TPGS2: variants seen among roughly 807,000 people sequenced by gnomAD.
TPGS2 encodes polyglutamylase subunit 2.
A neutral mutation model predicts 31.1 loss-of-function variants in TPGS2; 26 were observed. The observed-to-expected ratio is 0.84, with a 90% CI of 0.61 to 1.16. The LOEUF is 1.16. Ranked by LOEUF, TPGS2 falls within the 50% of genes most tolerant of loss-of-function variation. TPGS2 has a pLI of 0.00. For synonymous variants in TPGS2, 130 were observed against 136.6 expected, an observed-to-expected ratio of 0.95 and a Z score of 0.34; for missense variants, 351 against 363.8, an observed-to-expected ratio of 0.96 and a Z score of 0.29.
In TPGS2 at chr18:36,828,746, G is replaced by A. The variant is rs764630365; in HGVS notation, c.22C>T (p.Pro8Ser). 1 of 1,613,968 alleles carries A rather than the reference G, an allele frequency of 6.2e-7. No individual in the cohort carries two copies. Among genetic ancestry groups the A allele is most frequent in the Non-Finnish European group, 8.5e-7 (1 of 1,179,982 alleles). The part of the protein sequence containing the change: MEEEASS[P>S]GLGCSKPHLE... The stretch of plus-strand genomic sequence containing the variant: ...TGCGGCTTGCTGCAGCCCAGCCCCG[G>A]GGACGATGCCTCCTCCTCCATGGCT... The change falls in exon 1 of 7, where the codon CCG becomes TCG. Residue 8 changes from proline (P) to serine (S), a missense_variant. By Grantham distance (74) the Pro-to-Ser change is moderately conservative (BLOSUM62 -1). Transcript: ENST00000334295.
chr18:36,807,865 A>G lies in TPGS2; in HGVS notation c.235T>C (p.Trp79Arg), dbSNP rs754589047. 34 of 1,614,026 alleles carry G rather than the reference A, an allele frequency of 2.1e-5. No individual in the cohort carries two copies. Among genetic ancestry groups the G allele is most frequent in the Non-Finnish European group, 2.7e-5 (32 of 1,180,008 alleles). The change falls in exon 3 of 7, where the codon TGG (tryptophan) becomes CGG (arginine). Residue 79 changes from tryptophan (W) to arginine (R), a missense_variant. By Grantham distance (101) the Trp-to-Arg change is moderately radical (BLOSUM62 -3). Coordinates refer to ENST00000334295, the MANE Select transcript of TPGS2 (RefSeq NM_015476.4). ...GACTCACCATCCAGCTTCACACTCC[A>G]TGTCATGTGGAAGCCATTGGTCATC... is the stretch of plus-strand genomic sequence containing the variant. ...YLMTNGFHMT[W>R]SVKLDEHIIP...
At chr18:36,816,596 A>G (rs2045664322) in intron 2 of TPGS2, among the ~76,000 whole-genome samples, 1 of 152,084 alleles carries the variant, frequency 6.6e-6, no homozygotes, top group South Asian at 2.1e-4. Context: ...CTCACAAAAG[A>G]GCCCTGAGGC....
intron 1 of TPGS2, among the ~76,000 whole-genome samples, chr18:36,822,661 C>T (rs1346390250): frequency 6.6e-6 from 1 of 152,178 alleles, no homozygotes; most frequent in African/African-American, 2.4e-5. Context: ...GTGGTGTAAT[C>T]ATAGCTCACT....
Position 36,787,410 on chromosome 18 carries a change from G to A in TPGS2, c.658-4279C>T, listed in dbSNP as rs532185184. Among the ~76,000 whole-genome samples the A allele has an allele frequency of 2.6e-5, 4 of 152,336 alleles. No individual in the cohort carries two copies. In the East Asian group the frequency reaches 5.8e-4, roughly 22 times the overall value. On this transcript the variant is annotated intron_variant, in intron 6 of 6. Coordinates refer to the TPGS2 transcript ENST00000587129. ...GCCCTCACTGCTCTTTGGGGAGAGC[G>A]ATCCCACTGGGGAACAGCCAGATGC... is the stretch of plus-strand genomic sequence containing the variant.
At chr18:36,806,044 A>G (rs1410361767) in intron 3 of TPGS2, 1 of 152,312 alleles carries the variant, frequency 6.6e-6, no homozygotes, top group Non-Finnish European at 1.5e-5. Flanking sequence ...TTCTGTGATT[A>G]GGGTGTAAAT....
intron 4 of TPGS2, among the ~76,000 whole-genome samples, chr18:36,803,463 A>G (rs958921174): frequency 1.3e-5 from 2 of 151,600 alleles, no homozygotes; most frequent in South Asian, 2.1e-4. Flanking sequence ...CAGTATATGC[A>G]TCAGTGTCTG....
rs1294462569 is a variant in TPGS2 at position 36,794,289 on chromosome 18, TG to T, written c.*2515del. ...CACATCTTCATTTTGTACTGGATCC[TG>T]CACTGAGTGGAGTCAGTCCTGCTCT... On this transcript the variant is annotated 3_prime_UTR_variant, in exon 7 of 7. Transcript: ENST00000334295. 1.0e-6 allele frequency: 1 copy of T among 985,354 alleles called. No homozygotes were observed. The highest frequency in any genetic ancestry group is 1.7e-5 in the African/African-American group (1 of 57,256). 61.0% of individuals were successfully genotyped at this position (985,354 alleles called of 1,614,324 possible).
intron 2 of TPGS2, among the ~76,000 whole-genome samples, chr18:36,816,850 G>A (rs2045680410): frequency 2.0e-5 from 3 of 152,176 alleles, no homozygotes; most frequent in Non-Finnish European, 4.4e-5. Flanking sequence ...CTCGTGATCT[G>A]CCTGCCTCGG....
rs375355836 is a variant in TPGS2 at position 36,824,414 on chromosome 18, C to T, written c.85+4269G>A. ...GAATCCAGAAATGGAATTGCTGGGC[C>T]ATACAGTAACTCCAATCTTTTGAGG... is the stretch of plus-strand genomic sequence containing the variant. On this transcript the variant is annotated intron_variant, in intron 1 of 6. Transcript: ENST00000334295. 1.9e-4 allele frequency among the ~76,000 whole-genome samples: 29 copies of T among 152,286 alleles called. No individual in the cohort carries two copies. In the East Asian group the frequency reaches 2.1e-3, roughly 11 times the overall value.
chr18:36,785,023 C>A (rs764993708), intron 6 of TPGS2, among the ~76,000 whole-genome samples: 1 of 152,118 alleles, frequency 6.6e-6, no homozygotes, highest in African/African-American at 2.4e-5. Flanking sequence ...CCTGGTCAGG[C>A]GTGGTGGCTC....
chr18:36,782,697 T>G (rs767953051), downstream of TPGS2, among the ~76,000 whole-genome samples: 2 of 152,170 alleles, frequency 1.3e-5, no homozygotes, highest in Non-Finnish European at 2.9e-5. Context: ...CACTATCAAT[T>G]AACTGATCAA....
Position 36,794,906 on chromosome 18 carries a change from T to G in TPGS2, c.*1899A>C. 4 of 984,186 alleles carry G rather than the reference T, an allele frequency of 4.1e-6. No homozygotes were observed. The highest frequency in any genetic ancestry group is 4.8e-6 in the Non-Finnish European group (4 of 829,936). 61.0% of individuals were successfully genotyped at this position (984,186 alleles called of 1,614,324 possible). A position where few individuals can be genotyped will look rare whatever the true frequency, so the allele number is the denominator to read the frequency against. On this transcript the variant is annotated 3_prime_UTR_variant, in exon 7 of 7. Coordinates refer to ENST00000334295, the MANE Select transcript of TPGS2 (RefSeq NM_015476.4). ...ACGTTTAAATGACCACACTGAATTA[T>G]AAGTGGTTAGTTTTGGGATTGAAAA...
At chr18:36,782,924 C>G, downstream of TPGS2, 1 of 393,830 alleles carries the variant, frequency 2.5e-6, no homozygotes, top group Non-Finnish European at 4.5e-6. Flanking sequence ...TTTTCTTCAC[C>G]CTCGGAAATG....
chr18:36,826,785 C>T (rs762759622), intron 1 of TPGS2, among the ~76,000 whole-genome samples: 8 of 152,214 alleles, frequency 5.3e-5, no homozygotes, highest in Admixed American at 2.6e-4. Context: ...AACCCTAATA[C>T]AATTTTTGTT....
chr18:36,801,938 C>G (rs977066728), intron 4 of TPGS2, among the ~76,000 whole-genome samples: 1 of 152,190 alleles, frequency 6.6e-6, no homozygotes, highest in Non-Finnish European at 1.5e-5. Context: ...ACTCCAATTA[C>G]ACATACATTA....
At position 36,794,261 on chromosome 18, in the gene TPGS2, C is replaced by G; in HGVS notation, c.*2544G>C. The G allele has an allele frequency of 2.2e-4, 212 of 979,866 alleles. No homozygotes were observed. The highest frequency in any genetic ancestry group is 2.4e-4 in the Non-Finnish European group (194 of 824,910). The allele number at this position is 979,866 out of a possible 1,614,324, so 60.7% of individuals were successfully genotyped here. On this transcript the variant is annotated 3_prime_UTR_variant, in exon 7 of 7. Transcript: ENST00000334295. Reference sequence around the variant, plus strand: ...TGTTTTCCTGCTGTTTGCACAAAAGCCTCACATCTTCATTTTGTACTGGAT... The same window carrying G: ...TGTTTTCCTGCTGTTTGCACAAAAGGCTCACATCTTCATTTTGTACTGGAT...
chr18:36,810,169 C>A (rs2045354877), intron 2 of TPGS2, among the ~76,000 whole-genome samples: 1 of 152,178 alleles, frequency 6.6e-6, no homozygotes, highest in African/African-American at 2.4e-5. Flanking sequence ...GCCCCAAGCA[C>A]CCCTGGGGCA....
At chr18:36,815,835 A>C (rs989727780) in intron 2 of TPGS2, among the ~76,000 whole-genome samples, 1 of 150,492 alleles carries the variant, frequency 6.6e-6, no homozygotes, top group African/African-American at 2.5e-5. Context: ...CTTATTTTTA[A>C]AATTTTTATT....
At chr18:36,815,298 A>G (rs2045602933) in intron 2 of TPGS2, among the ~76,000 whole-genome samples, 1 of 152,226 alleles carries the variant, frequency 6.6e-6, no homozygotes, top group Non-Finnish European at 1.5e-5. Context: ...AGAGCAGTCC[A>G]AAACTTCTAC....
Sources: gnomAD v4.1 joint callset for allele counts (sites outside exome capture counted in the v4.1 genomes callset) on GRCh38, gnomAD v4.1.1 for gene constraint, MANE v1.5 for transcripts, NCBI Gene and HGNC (gene_info 2026-07-23, HGNC 2026-07-21) for gene names.